CSMD3: variants seen among roughly 807,000 people sequenced by gnomAD.
CSMD3 encodes CUB and Sushi multiple domains 3, also known as CUB and sushi domain-containing protein 3.
In CSMD3, 177 loss-of-function variants were observed where a neutral mutation model predicts 435.2. That is an observed-to-expected ratio of 0.41 (90% confidence interval 0.36 to 0.46). The LOEUF (loss-of-function observed/expected upper bound fraction) is 0.46. Among genes scored for constraint, CSMD3 ranks in the 20% least tolerant of loss-of-function variants. CSMD3 has a pLI of 0.34. For synonymous variants in CSMD3, 1,656 were observed against 1,520.5 expected (o/e 1.09, Z -2.07); for missense variants, 4,265 against 4,504.6 (o/e 0.95, Z 1.52).
At chr8:112,810,512 G>T (rs2079196322) in intron 12 of CSMD3, among the ~76,000 whole-genome samples, 1 of 152,030 alleles carries the variant, frequency 6.6e-6, no homozygotes, top group Admixed American at 6.6e-5. Context: ...TATTTGCAGA[G>T]ATTTAATTGA....
intron 38 of CSMD3, among the ~76,000 whole-genome samples, chr8:112,374,602 G>C (rs917436560): frequency 4.6e-5 from 7 of 151,998 alleles, no homozygotes; most frequent in African/African-American, 1.7e-4. Context: ...ATCTTTAAAG[G>C]CTTTTTGTAG....
chr8:113,328,798 GGC>G (rs74435859), intron 1 of CSMD3, among the ~76,000 whole-genome samples: 1,569 of 126,216 alleles, frequency 0.012, 16 homozygotes, highest in African/African-American at 0.036. Flanking sequence ...GGAGTACAGT[GGC>G]GTGATAACGA....
At chr8:112,566,878 C>T (rs1191959012) in intron 24 of CSMD3, among the ~76,000 whole-genome samples, 2 of 152,042 alleles carry the variant, frequency 1.3e-5, no homozygotes, top group Admixed American at 1.3e-4. Flanking sequence ...ATCTTTTGGA[C>T]CTATGAAAAT....
At chr8:112,823,916 T>C (rs2079600485) in intron 12 of CSMD3, among the ~76,000 whole-genome samples, 1 of 152,108 alleles carries the variant, frequency 6.6e-6, no homozygotes, top group Admixed American at 6.6e-5. Context: ...ATATTGACAG[T>C]GGGGTGTTAA....
At chr8:112,348,755 TA>T (rs1385578374) in intron 40 of CSMD3, among the ~76,000 whole-genome samples, 1 of 151,992 alleles carries the variant, frequency 6.6e-6, no homozygotes, top group Non-Finnish European at 1.5e-5. Context: ...AATTATATAA[TA>T]AAACAATTTT....
chr8:113,062,165 G>A (rs2131369024), intron 5 of CSMD3, among the ~76,000 whole-genome samples: 1 of 151,722 alleles, frequency 6.6e-6, no homozygotes, highest in South Asian at 2.1e-4. Flanking sequence ...TCATCCTTAA[G>A]TTTTCTCTAA....
At chr8:112,767,391 AT>A (rs917839368) in intron 13 of CSMD3, among the ~76,000 whole-genome samples, 2 of 151,806 alleles carry the variant, frequency 1.3e-5, no homozygotes, top group African/African-American at 4.8e-5. Flanking sequence ...AGGTTGGAAA[AT>A]TACCGACAAT....
At chr8:112,441,945 T>C (rs1484259510) in intron 32 of CSMD3, among the ~76,000 whole-genome samples, 1 of 152,154 alleles carries the variant, frequency 6.6e-6, no homozygotes, top group Non-Finnish European at 1.5e-5. Flanking sequence ...TTGGTAAACA[T>C]TTGAGTACCG....
intron 30 of CSMD3, among the ~76,000 whole-genome samples, chr8:112,494,499 CTT>C (rs1240916056): frequency 1.6e-3 from 28 of 17,110 alleles, no homozygotes; most frequent in African/African-American, 4.4e-3. Context: ...TCTCTCCTTT[CTT>C]TCTTTCTTTC....
At chr8:112,629,398 T>C (rs1250361630) in intron 22 of CSMD3, among the ~76,000 whole-genome samples, 1 of 152,162 alleles carries the variant, frequency 6.6e-6, no homozygotes, top group Non-Finnish European at 1.5e-5. Flanking sequence ...CTCATTATTT[T>C]GCTCAGGCTG....
intron 3 of CSMD3, among the ~76,000 whole-genome samples, chr8:113,216,905 T>C (rs2092912298): frequency 6.6e-6 from 1 of 151,808 alleles, no homozygotes; most frequent in South Asian, 2.1e-4. Flanking sequence ...CCTGGGAAAT[T>C]AGTCAAAGCC....
At chr8:112,582,857 T>C (rs939192956) in intron 23 of CSMD3, among the ~76,000 whole-genome samples, 2 of 152,022 alleles carry the variant, frequency 1.3e-5, no homozygotes, top group African/African-American at 4.8e-5. Flanking sequence ...TTCATCCCTT[T>C]CACCATGGAG....
chr8:113,020,449 C>A (rs990162912), intron 5 of CSMD3, among the ~76,000 whole-genome samples: 1 of 152,060 alleles, frequency 6.6e-6, no homozygotes, highest in Non-Finnish European at 1.5e-5. Context: ...GTTTTTATGA[C>A]ATCATGAAAT....
chr8:112,641,240 T>C (rs1563801228), intron 20 of CSMD3, among the ~76,000 whole-genome samples: 1 of 152,130 alleles, frequency 6.6e-6, no homozygotes, highest in Non-Finnish European at 1.5e-5. Context: ...AAGTCATGGA[T>C]TAAATGGTAA....
intron 38 of CSMD3, among the ~76,000 whole-genome samples, chr8:112,361,567 A>C (rs974423400): frequency 2.1e-5 from 1 of 48,280 alleles, no homozygotes; most frequent in Non-Finnish European, 3.9e-5. Flanking sequence ...ATATATATAC[A>C]CATACATATA....
At position 113,074,767 on chromosome 8, in the gene CSMD3, A is replaced by G. The variant is rs536878014; in HGVS notation, c.917+23989T>C. On this transcript the variant is annotated intron_variant, in intron 5 of 70. Transcript: ENST00000297405. ...TTCTTAAGTCACAAACTTAATCTCA[A>G]AAGAAACCCATTATACATTTGTACC... Among the ~76,000 whole-genome samples, 4 of 151,882 alleles carry G rather than the reference A, an allele frequency of 2.6e-5. No homozygotes were observed. The South Asian group carries it at 6.2e-4, about 24-fold the overall frequency.
In CSMD3 at chr8:113,029,619, C is replaced by G. The variant is rs569592947; in HGVS notation, c.918-10440G>C. Among the ~76,000 whole-genome samples, 30 of 151,518 alleles carry G rather than the reference C, an allele frequency of 2.0e-4. 1 individual carries two copies. The highest frequency in any genetic ancestry group is 3.4e-4 in the Non-Finnish European group (23 of 67,754). On this transcript the variant is annotated intron_variant, in intron 5 of 70. Transcript: ENST00000297405. ...CTTAGCAAAATTGGCATACAAGGGA[C>G]ATATCTTAATGTAATAAAAGCCATC...
At chr8:113,423,942 G>A (rs1220307223) in intron 1 of CSMD3, among the ~76,000 whole-genome samples, 1 of 151,802 alleles carries the variant, frequency 6.6e-6, no homozygotes, top group Non-Finnish European at 1.5e-5. Context: ...TACATTAACA[G>A]TCAAGATTTT....
intron 24 of CSMD3, among the ~76,000 whole-genome samples, chr8:112,563,675 C>A (rs1828832412): frequency 1.3e-5 from 2 of 151,862 alleles, no homozygotes; most frequent in African/African-American, 4.8e-5. Context: ...TAAATATATC[C>A]AGAAATTGAA....
Sources: allele counts gnomAD v4.1 joint callset (sites outside exome capture counted in the v4.1 genomes callset), GRCh38; gene constraint gnomAD v4.1.1; transcripts MANE v1.5; gene names NCBI Gene and HGNC (gene_info 2026-07-23, HGNC 2026-07-21).